COPB2: variants seen among roughly 807,000 people sequenced by gnomAD.
COPB2 encodes the protein coatomer subunit beta'.
In COPB2, 16 loss-of-function variants were observed where a neutral mutation model predicts 120.8. The ratio of observed to expected loss-of-function variants is 0.13; its 90% confidence interval spans 0.09 to 0.20. The LOEUF is 0.20. COPB2 is among the 10% of genes least tolerant of loss of function. The pLI is 1.00. For synonymous variants in COPB2, 332 were observed against 366.3 expected, an observed-to-expected ratio of 0.91 and a Z score of 1.07; for missense variants, 794 against 1,076.5, an observed-to-expected ratio of 0.74 and a Z score of 3.67.
Position 139,369,462 on chromosome 3 carries a change from C to G in COPB2, c.1288G>C (p.Ala430Pro), listed in dbSNP as rs777707851. ...ATATGTAGATCACACTCACTTTCTG[C>G]TCCAAAATCTGGTTTAAATGATTTT... is the stretch of plus-strand genomic sequence containing the variant. ...EKKSFKPDFG[A>P]ESIYGGFLLG... The change falls in exon 11 of 22, where the codon GCA (alanine) becomes CCA (proline). Residue 430 changes from alanine to proline, a missense_variant. Physicochemically the swap from Ala to Pro is conservative, Grantham distance 27. Around this residue, in one of 3 missense-constraint regions of COPB2, gnomAD observed 610 missense variants for 866.7 expected, o/e 0.70. Transcript: ENST00000333188. The G allele has an allele frequency of 6.2e-7, 1 of 1,609,850 alleles. No individual in the cohort carries two copies. Among genetic ancestry groups the G allele is most frequent in the Non-Finnish European group, 8.5e-7 (1 of 1,177,976 alleles).
Position 139,358,914 on chromosome 3 carries a change from A to G in COPB2, c.2484+84T>C, listed in dbSNP as rs1039220109. On this transcript the variant is annotated intron_variant, in intron 19 of 21. Coordinates refer to ENST00000333188, the MANE Select transcript of COPB2 (RefSeq NM_004766.3). ...GATATCAGCTCTTAATTTTAAAAGA[A>G]GACAGCAGTTCAAAATCTGAAGTCC... 4 of 1,568,758 alleles carry G rather than the reference A, an allele frequency of 2.5e-6. No individual in the cohort carries two copies. The Admixed American group carries it at 6.8e-5, about 27-fold the overall frequency.
chr3:139,362,874 A>G (rs1470965893), intron 15 of COPB2, among the ~76,000 whole-genome samples: 1 of 152,228 alleles, frequency 6.6e-6, no homozygotes, highest in Non-Finnish European at 1.5e-5. Context: ...AACAAGAATC[A>G]TTTCAAAAGA....
intron 13 of COPB2, 148 bp from the exon 14 acceptor site, chr3:139,367,293 A>AT (rs200861935): frequency 0.081 from 55,145 of 684,612 alleles, 118 homozygotes; most frequent in East Asian, 0.1. Context: ...TTTCCTTGGA[A>AT]TTTTTTTTTT....
In COPB2 at chr3:139,371,747, A is replaced by G. The variant is rs761294157; in HGVS notation, c.1181T>C (p.Phe394Ser). Residue 394 changes from phenylalanine (F) to serine (S), a missense_variant, in exon 10 of 22, where the codon TTT becomes TCT. By Grantham distance (155) the Phe-to-Ser change is radical (BLOSUM62 -2). This residue lies in a region of COPB2 where 610 missense variants were observed against 866.7 expected (regional missense o/e 0.70). Coordinates refer to ENST00000333188, the MANE Select transcript of COPB2 (RefSeq NM_004766.3). ...CTCTGAAGAATCGTGGGCCCATGCA[A>G]ACTCCTGAGCAGATCCAAAGCTCTT... ...RNKSFGSAQE[F>S]AWAHDSSEYA... The G allele has an allele frequency of 6.2e-7, 1 of 1,613,890 alleles. No homozygotes were observed. Among genetic ancestry groups the G allele is most frequent in the Non-Finnish European group, 8.5e-7 (1 of 1,179,858 alleles).
Position 139,359,490 on chromosome 3 carries a change from T to G in COPB2, c.2211-128A>C, listed in dbSNP as rs1576368716. ...AATCTTCACACATATATCTCATTTC[T>G]GTCACTTGTCTTTTAATGGTTGTTA... On this transcript the variant is annotated intron_variant, in intron 17 of 21. Transcript: ENST00000333188. 9.2e-6 allele frequency: 7 copies of G among 763,922 alleles called. No individual in the cohort carries two copies. In the East Asian group the frequency reaches 1.9e-4, roughly 21 times the overall value. 47.3% of individuals were successfully genotyped at this position (763,922 alleles called of 1,614,324 possible). A position where few individuals can be genotyped will look rare whatever the true frequency, so the allele number is the denominator to read the frequency against.
intron 1 of COPB2, among the ~76,000 whole-genome samples, chr3:139,386,666 A>G (rs1352358217): frequency 3.9e-5 from 6 of 152,144 alleles, no homozygotes; most frequent in African/African-American, 1.4e-4. Flanking sequence ...AACAGGTATG[A>G]AGAGTCTATT....
At chr3:139,373,076 T>A in intron 9 of COPB2, 137 bp downstream of exon 9, 1 of 790,684 alleles carries the variant, frequency 1.3e-6, no homozygotes, top group South Asian at 1.6e-5. Flanking sequence ...GCAGCTGTGT[T>A]GAGGATTGTG....
At chr3:139,372,698 C>T (rs1018509894) in intron 9 of COPB2, among the ~76,000 whole-genome samples, 3 of 152,192 alleles carry the variant, frequency 2.0e-5, no homozygotes, top group Admixed American at 6.5e-5. Flanking sequence ...GTGCTAGAAA[C>T]TCCTCTCTCA....
At chr3:139,361,372 T>A in intron 16 of COPB2, 77 bp from the exon 17 acceptor site, 2 of 1,376,848 alleles carry the variant, frequency 1.5e-6, no homozygotes, top group Non-Finnish European at 1.0e-6. Flanking sequence ...CTGTTAACTG[T>A]GCAGACAATG....
rs1230028671 is a variant in COPB2 at position 139,371,781 on chromosome 3, A to G, written c.1147T>C (p.Leu383=). Residue 383 remains leucine (L), a synonymous_variant, in exon 10 of 22, where the codon TTG becomes CTG. Transcript: ENST00000333188. ...GCAGATCCAAAGCTCTTGTTTCTCA[A>G]TGCCATTGCTGTGTAGATGATATAC... ...GEYIIYTAMA[L]RNKSFGSAQE... The G allele has an allele frequency of 2.9e-5, 46 of 1,613,880 alleles. No individual in the cohort carries two copies. Among genetic ancestry groups the G allele is most frequent in the Non-Finnish European group, 3.8e-5 (45 of 1,179,928 alleles).
chr3:139,379,516 C>T (rs1264523650), intron 2 of COPB2, 50 bp from the exon 3 acceptor site: 20 of 1,412,526 alleles, frequency 1.4e-5, no homozygotes, highest in Non-Finnish European at 1.9e-5. Flanking sequence ...AAAATAACCA[C>T]AAAATCTACT....
intron 15 of COPB2, 70 bp downstream of exon 15, chr3:139,366,498 C>A: frequency 7.1e-7 from 1 of 1,398,686 alleles, no homozygotes. Flanking sequence ...TAAAGTTTTT[C>A]AACTCCATAA....
chr3:139,368,403 C>A, intron 12 of COPB2, 115 bp from the exon 13 acceptor site: 1 of 1,082,934 alleles, frequency 9.2e-7, no homozygotes, highest in South Asian at 1.7e-5. Flanking sequence ...GATAAGTATT[C>A]ACTTAACAAT....
At chr3:139,369,586 T>A in intron 10 of COPB2, 42 bp from the exon 11 acceptor site, 1 of 1,153,818 alleles carries the variant, frequency 8.7e-7, no homozygotes, top group Non-Finnish European at 1.3e-6. Flanking sequence ...TGTTATATAC[T>A]AAATCATAGT....
chr3:139,370,917 T>C (rs1367428460), intron 10 of COPB2, among the ~76,000 whole-genome samples: 2 of 152,234 alleles, frequency 1.3e-5, no homozygotes, highest in Non-Finnish European at 1.5e-5. Flanking sequence ...AACAATTCCA[T>C]ACCTCTCAAT....
chr3:139,376,369 C>T (rs1214840150), intron 5 of COPB2, among the ~76,000 whole-genome samples: 1 of 152,158 alleles, frequency 6.6e-6, no homozygotes, highest in African/African-American at 2.4e-5. Flanking sequence ...CAGAATTAAG[C>T]TTTATCTTTA....
At position 139,362,363 on chromosome 3, in the gene COPB2, C is replaced by T. The variant is rs373754841; in HGVS notation, c.1995+44G>A. Reference sequence around the variant, plus strand: ...TACACCAAACACATAGAAGTACCTACTGACTTTTCCATCAGTTATGAAAAA... The same window carrying T: ...TACACCAAACACATAGAAGTACCTATTGACTTTTCCATCAGTTATGAAAAA... On this transcript the variant is annotated intron_variant, in intron 16 of 21. Transcript: ENST00000333188. 6.4e-6 allele frequency: 9 copies of T among 1,403,558 alleles called. No individual in the cohort carries two copies. The African/African-American group carries it at 1.3e-4, about 20-fold the overall frequency. The allele number at this position is 1,403,558 out of a possible 1,614,324, so 86.9% of individuals were successfully genotyped here.
intron 2 of COPB2, 101 bp downstream of exon 2, chr3:139,383,197 G>T: frequency 7.5e-7 from 1 of 1,328,772 alleles, no homozygotes; most frequent in Non-Finnish European, 1.1e-6. Flanking sequence ...AAAGCAGTTT[G>T]CATATAGATT....
intron 17 of COPB2, 137 bp downstream of exon 17, chr3:139,360,944 A>G (rs984216699): frequency 1.3e-5 from 11 of 873,714 alleles, no homozygotes; most frequent in Non-Finnish European, 2.0e-5. Flanking sequence ...CCAAGGCAGC[A>G]CTGTCCTGTT....
Sources: allele counts gnomAD v4.1 joint callset (sites outside exome capture counted in the v4.1 genomes callset), GRCh38; gene constraint gnomAD v4.1.1; regional missense constraint gnomAD v4.1.1; transcripts MANE v1.5; gene names NCBI Gene and HGNC (gene_info 2026-07-23, HGNC 2026-07-21).